ITGBL1: variants seen among roughly 807,000 people sequenced by gnomAD.
ITGBL1 encodes the protein integrin subunit beta like 1.
ITGBL1 carries 51 observed loss-of-function variants against 68.5 expected under a neutral mutation model. That is an observed-to-expected ratio of 0.74 (90% CI 0.59 to 0.94). ITGBL1 has a LOEUF of 0.94. ITGBL1 is among the 40% of genes least tolerant of loss of function. The pLI, the probability that ITGBL1 is intolerant of heterozygous loss-of-function variation, is 0.00. For synonymous variants in ITGBL1, 209 were observed against 227.3 expected, an observed-to-expected ratio of 0.92 and a Z score of 0.72; for missense variants, 649 against 647.4, an observed-to-expected ratio of 1.00 and a Z score of -0.03.
intron 2 of ITGBL1, among the ~76,000 whole-genome samples, chr13:101,489,363 G>A (rs1227744709): frequency 6.6e-6 from 1 of 152,162 alleles, no homozygotes; most frequent in Non-Finnish European, 1.5e-5. Context: ...TTCCAAAGTA[G>A]GGATCAAATT....
chr13:101,548,186 A>C (rs2049860632), intron 2 of ITGBL1, among the ~76,000 whole-genome samples: 1 of 151,864 alleles, frequency 6.6e-6, no homozygotes, highest in Non-Finnish European at 1.5e-5. Context: ...CAAAACATTG[A>C]CTATATCCCC....
intron 6 of ITGBL1, among the ~76,000 whole-genome samples, chr13:101,589,818 G>A (rs2050620860): frequency 6.6e-6 from 1 of 152,182 alleles, no homozygotes; most frequent in Non-Finnish European, 1.5e-5. Flanking sequence ...TGGAGGTGAA[G>A]CACGCATTTA....
downstream of ITGBL1, chr13:101,719,596 A>G (rs2139639370): frequency 6.6e-6 from 1 of 152,260 alleles, no homozygotes; most frequent in African/African-American, 2.4e-5. Context: ...AAATGTTGTC[A>G]CTTGAAATAC....
intron 3 of ITGBL1, among the ~76,000 whole-genome samples, chr13:101,569,267 A>AG (rs1185842952): frequency 6.6e-6 from 1 of 152,012 alleles, no homozygotes; most frequent in Non-Finnish European, 1.5e-5. Flanking sequence ...AATCAAATTT[A>AG]GGGTTTTTTT....
In ITGBL1 at chr13:101,583,228, G is replaced by T. The variant is rs2050492834; in HGVS notation, c.740G>T (p.Cys247Phe). 1 of 1,613,602 alleles carries T rather than the reference G, an allele frequency of 6.2e-7. No homozygotes were observed. The highest frequency in any genetic ancestry group is 8.5e-7 in the Non-Finnish European group (1 of 1,179,776). ...TCTTCCCACCTAGGGACTTGTGTAT[G>T]TGGTGAATGTACCTGTCACGATGTT... ...KICSNRGTCV[C>F]GECTCHDVDP... The change falls in exon 6 of 11, where the codon TGT (cysteine) becomes TTT (phenylalanine). Residue 247 changes from cysteine to phenylalanine, a missense_variant. Cys to Phe is a radical substitution (Grantham distance 205). Transcript: ENST00000376180.
At chr13:101,702,544 A>G (rs865843770) in intron 8 of ITGBL1, among the ~76,000 whole-genome samples, 1 of 152,016 alleles carries the variant, frequency 6.6e-6, no homozygotes, top group African/African-American at 2.4e-5. Flanking sequence ...TTTTCATAAT[A>G]TGTATTTTCA....
intron 6 of ITGBL1, among the ~76,000 whole-genome samples, chr13:101,593,570 A>G (rs1566746696): frequency 1.3e-5 from 2 of 152,128 alleles, no homozygotes; most frequent in Non-Finnish European, 1.5e-5. Flanking sequence ...TATATACACA[A>G]TGGATAATTC....
At chr13:101,577,243 C>T (rs945547382) in intron 4 of ITGBL1, among the ~76,000 whole-genome samples, 5 of 152,176 alleles carry the variant, frequency 3.3e-5, no homozygotes, top group Admixed American at 2.0e-4. Context: ...TCACATGAAA[C>T]CAATCTGCTG....
At chr13:101,617,506 T>A (rs1321523930) in intron 7 of ITGBL1, among the ~76,000 whole-genome samples, 2 of 152,162 alleles carry the variant, frequency 1.3e-5, no homozygotes, top group Non-Finnish European at 2.9e-5. Flanking sequence ...GAGTACAACC[T>A]GGCATCCTAG....
chr13:101,579,923 A>G (rs1182098858), intron 5 of ITGBL1, among the ~76,000 whole-genome samples: 7 of 152,228 alleles, frequency 4.6e-5, no homozygotes, highest in Non-Finnish European at 1.0e-4. Flanking sequence ...ATTGAATACA[A>G]TAGATATACA....
intron 2 of ITGBL1, among the ~76,000 whole-genome samples, chr13:101,468,185 G>A (rs2048409395): frequency 6.6e-6 from 1 of 152,020 alleles, no homozygotes; most frequent in Non-Finnish European, 1.5e-5. Context: ...TTTCTTTCCT[G>A]GGCAACACCA....
chr13:101,705,193 C>T (rs1208643046), intron 8 of ITGBL1, among the ~76,000 whole-genome samples: 1 of 151,332 alleles, frequency 6.6e-6, no homozygotes, highest in African/African-American at 2.4e-5. Flanking sequence ...AACCGCTCTC[C>T]CAGACCTTCT....
At chr13:101,605,719 T>C (rs925888499) in intron 7 of ITGBL1, among the ~76,000 whole-genome samples, 33 of 151,728 alleles carry the variant, frequency 2.2e-4, no homozygotes, top group African/African-American at 8.0e-4. Flanking sequence ...TGTGCGTATA[T>C]GCGTGTACAC....
chr13:101,650,106 T>A (rs1475504357), intron 7 of ITGBL1, among the ~76,000 whole-genome samples: 1 of 152,226 alleles, frequency 6.6e-6, no homozygotes, highest in Non-Finnish European at 1.5e-5. Flanking sequence ...GTCCTCTTAA[T>A]GCTCATGGTA....
intron 7 of ITGBL1, among the ~76,000 whole-genome samples, chr13:101,650,831 C>T (rs749209011): frequency 5.3e-5 from 8 of 152,026 alleles, no homozygotes; most frequent in Admixed American, 2.0e-4. Context: ...TGTTCTGCTC[C>T]CCCACAGCCC....
intron 7 of ITGBL1, among the ~76,000 whole-genome samples, chr13:101,606,624 G>C (rs2030875305): frequency 1.3e-5 from 2 of 151,850 alleles, no homozygotes; most frequent in South Asian, 4.1e-4. Context: ...TGTGAGTAAA[G>C]TTAATTTGCA....
At chr13:101,639,546 G>A (rs1324328138) in intron 7 of ITGBL1, among the ~76,000 whole-genome samples, 2 of 152,068 alleles carry the variant, frequency 1.3e-5, no homozygotes, top group Non-Finnish European at 2.9e-5. Flanking sequence ...TTACTTTTAA[G>A]ATTTATTCTA....
intron 2 of ITGBL1, 78 bp from the exon 3 acceptor site, chr13:101,567,621 C>A: frequency 7.4e-7 from 1 of 1,356,476 alleles, no homozygotes; most frequent in Non-Finnish European, 1.0e-6. Flanking sequence ...ATCAATGTCA[C>A]TGTTAAGAGT....
chr13:101,673,629 A>G (rs879004069), intron 7 of ITGBL1, among the ~76,000 whole-genome samples: 4 of 152,202 alleles, frequency 2.6e-5, no homozygotes, highest in African/African-American at 9.7e-5. Flanking sequence ...TCTTGGCTCA[A>G]TATTATTACA....
Sources: gnomAD v4.1 joint callset for allele counts (sites outside exome capture counted in the v4.1 genomes callset) on GRCh38, gnomAD v4.1.1 for gene constraint, MANE v1.5 for transcripts, NCBI Gene and HGNC (gene_info 2026-07-23, HGNC 2026-07-21) for gene names.